Variants in RBMS3 observed in about 807,000 individuals in gnomAD.
RBMS3 encodes RNA-binding motif, single-stranded-interacting protein 3.
Under a neutral mutation model 66.8 loss-of-function variants are expected in RBMS3, and 27 were observed. The ratio of observed to expected loss-of-function variants is 0.40; its 90% confidence interval spans 0.30 to 0.56. The LOEUF is 0.56. Ranked by LOEUF, RBMS3 falls within the 20% of genes least tolerant of loss-of-function variation. The pLI is 0.40. For synonymous variants in RBMS3, 188 were observed against 183.0 expected (o/e 1.03, Z -0.22); for missense variants, 513 against 549.5 (o/e 0.93, Z 0.66).
intron 1 of RBMS3, among the ~76,000 whole-genome samples, chr3:29,372,981 A>G (rs1235343262): frequency 6.6e-6 from 1 of 152,128 alleles, no homozygotes; most frequent in Non-Finnish European, 1.5e-5. Context: ...TTATGCTTAT[A>G]TATTATTAAA....
intron 6 of RBMS3, among the ~76,000 whole-genome samples, chr3:29,796,621 GA>G (rs1190946372): frequency 6.6e-6 from 1 of 151,606 alleles, no homozygotes; most frequent in Non-Finnish European, 1.5e-5. Flanking sequence ...TAGCAGGCCT[GA>G]AAACAACATT....
At position 29,548,389 on chromosome 3, in the gene RBMS3, C is replaced by T. The variant is rs959088108; in HGVS notation, c.308-38725C>T. ...AAGTTACGATGATCTATGATCGTGC[C>T]GTTGTACTCTAGCCTGGGTGACAGA... On this transcript the variant is annotated intron_variant, in intron 3 of 14. Transcript: ENST00000383767. Among the ~76,000 whole-genome samples the T allele has an allele frequency of 5.3e-5, 8 of 150,754 alleles. No individual in the cohort carries two copies. In the East Asian group the frequency reaches 6.0e-4, roughly 11 times the overall value.
At chr3:29,324,049 GA>G (rs2035173683) in intron 1 of RBMS3, among the ~76,000 whole-genome samples, 1 of 151,110 alleles carries the variant, frequency 6.6e-6, no homozygotes, top group Non-Finnish European at 1.5e-5. Flanking sequence ...AACATACCTA[GA>G]TTTTTTTTAT....
At chr3:29,400,863 T>C (rs2039777760) in intron 1 of RBMS3, among the ~76,000 whole-genome samples, 1 of 152,090 alleles carries the variant, frequency 6.6e-6, no homozygotes, top group African/African-American at 2.4e-5. Context: ...TCCACTGCTT[T>C]GCCTGAGTAT....
chr3:29,405,035 A>G (rs757004988), intron 1 of RBMS3, among the ~76,000 whole-genome samples: 2 of 152,124 alleles, frequency 1.3e-5, no homozygotes, highest in African/African-American at 2.4e-5. Context: ...CACAATAACC[A>G]TGGATAAATG....
At chr3:29,947,648 T>G (rs569157542) in intron 12 of RBMS3, among the ~76,000 whole-genome samples, 150 of 151,536 alleles carry the variant, frequency 9.9e-4, no homozygotes, top group African/African-American at 3.4e-3. Context: ...TCTATTCTCC[T>G]TTTAGTATTT....
chr3:29,995,953 A>G lies in RBMS3; in HGVS notation c.1307+4744A>G, dbSNP rs1451419341. Among the ~76,000 whole-genome samples, 16 of 152,308 alleles carry G rather than the reference A, an allele frequency of 1.1e-4. No homozygotes were observed. The South Asian group carries it at 1.7e-3, about 16-fold the overall frequency. Reference sequence around the variant, plus strand: ...AAATGTAAATGGACTAAATGCTCCAATTAAAAGACACAGACTGGCAAATTG... The same window carrying G: ...AAATGTAAATGGACTAAATGCTCCAGTTAAAAGACACAGACTGGCAAATTG... On this transcript the variant is annotated intron_variant, in intron 14 of 14. Coordinates refer to ENST00000383767, the MANE Select transcript of RBMS3 (RefSeq NM_001003793.3).
At chr3:29,802,366 C>A (rs1390402776) in intron 6 of RBMS3, among the ~76,000 whole-genome samples, 1 of 152,102 alleles carries the variant, frequency 6.6e-6, no homozygotes, top group Non-Finnish European at 1.5e-5. Flanking sequence ...GCAAAGTTGA[C>A]CTTTAGTCCA....
At chr3:29,328,689 T>G (rs2035480302) in intron 1 of RBMS3, among the ~76,000 whole-genome samples, 1 of 152,168 alleles carries the variant, frequency 6.6e-6, no homozygotes, top group Non-Finnish European at 1.5e-5. Flanking sequence ...AGGTCTTCCT[T>G]CCTATGCAAG....
chr3:29,478,555 A>G (rs2043028377), intron 2 of RBMS3, among the ~76,000 whole-genome samples: 1 of 152,192 alleles, frequency 6.6e-6, no homozygotes, highest in South Asian at 2.1e-4. Flanking sequence ...TTGGGAAAAT[A>G]CAAACATTCA....
intron 6 of RBMS3, among the ~76,000 whole-genome samples, chr3:29,868,043 AG>A (rs2059401654): frequency 6.6e-6 from 1 of 152,122 alleles, no homozygotes; most frequent in South Asian, 2.1e-4. Flanking sequence ...CCAGTCAAGC[AG>A]GGATGTGAAG....
chr3:29,578,683 G>T (rs931430927), intron 3 of RBMS3, among the ~76,000 whole-genome samples: 2 of 149,402 alleles, frequency 1.3e-5, no homozygotes, highest in African/African-American at 2.5e-5. Flanking sequence ...GTGTGCAAAA[G>T]CACACACGGC....
At chr3:29,953,737 G>T (rs907592024) in intron 12 of RBMS3, among the ~76,000 whole-genome samples, 1 of 151,742 alleles carries the variant, frequency 6.6e-6, no homozygotes, top group Non-Finnish European at 1.5e-5. Flanking sequence ...CTGCAAATTC[G>T]TTCTTTATAA....
intron 3 of RBMS3, among the ~76,000 whole-genome samples, chr3:29,531,460 C>T (rs975377659): frequency 2.0e-5 from 3 of 152,192 alleles, no homozygotes; most frequent in South Asian, 2.1e-4. Flanking sequence ...TTATGAGATA[C>T]GTCTTTTATT....
intron 4 of RBMS3, among the ~76,000 whole-genome samples, chr3:29,657,179 C>T (rs760237106): frequency 2.6e-5 from 4 of 152,204 alleles, no homozygotes; most frequent in Non-Finnish European, 4.4e-5. Flanking sequence ...CAGCCACAGA[C>T]ATTGTCAAGC....
intron 1 of RBMS3, among the ~76,000 whole-genome samples, chr3:29,334,255 A>G (rs1315795893): frequency 1.3e-5 from 2 of 152,170 alleles, no homozygotes; most frequent in Non-Finnish European, 2.9e-5. Flanking sequence ...TCCGTTTGCA[A>G]TACACATATA....
intron 1 of RBMS3, among the ~76,000 whole-genome samples, chr3:29,421,187 A>G (rs1051977407): frequency 2.6e-5 from 4 of 152,144 alleles, no homozygotes; most frequent in African/African-American, 9.7e-5. Flanking sequence ...TCTTCAACCA[A>G]AGCAAAAACA....
chr3:29,729,918 G>T lies in RBMS3; in HGVS notation c.400-9802G>T, dbSNP rs895110701. On this transcript the variant is annotated intron_variant, in intron 4 of 14. Coordinates refer to ENST00000383767, the MANE Select transcript of RBMS3 (RefSeq NM_001003793.3). ...TCAGCTTTCTCACATGTAAAATGGGGCTATCTACCTCAAGGGCTAAGGAAT... is the reference window on the plus strand; with the variant it reads ...TCAGCTTTCTCACATGTAAAATGGGTCTATCTACCTCAAGGGCTAAGGAAT... Among the ~76,000 whole-genome samples, 5 of 151,876 alleles carry T rather than the reference G, an allele frequency of 3.3e-5. No homozygotes were observed. The East Asian group carries it at 9.7e-4, about 29-fold the overall frequency.
intron 1 of RBMS3, among the ~76,000 whole-genome samples, chr3:29,383,805 G>A (rs1336471953): frequency 6.6e-6 from 1 of 152,154 alleles, no homozygotes; most frequent in South Asian, 2.1e-4. Flanking sequence ...TGGATCGTAA[G>A]TTTTCAGTGA....
Sources: gnomAD v4.1 joint callset for allele counts (sites outside exome capture counted in the v4.1 genomes callset) on GRCh38, gnomAD v4.1.1 for gene constraint, MANE v1.5 for transcripts, NCBI Gene and HGNC (gene_info 2026-07-23, HGNC 2026-07-21) for gene names.